ASPG: variants seen among roughly 807,000 people sequenced by gnomAD.
ASPG encodes 60 kDa lysophospholipase.
A neutral mutation model predicts 63.2 loss-of-function variants in ASPG; 53 were observed. That is an observed-to-expected ratio of 0.84 (90% CI 0.67 to 1.05). The LOEUF (loss-of-function observed/expected upper bound fraction) is 1.05, where lower values mean the gene tolerates loss of function less well. ASPG is among the 50% of genes least tolerant of loss of function. The pLI is 0.00. For synonymous variants in ASPG, 370 were observed against 355.0 expected (o/e 1.04, Z -0.48); for missense variants, 741 against 794.4 (o/e 0.93, Z 0.81).
At chr14:104,108,420 C>T in intron 12 of ASPG, 1 of 985,396 alleles carries the variant, frequency 1.0e-6, no homozygotes, top group Non-Finnish European at 1.2e-6. Flanking sequence ...AGCACGCCCC[C>T]AACCGGTCTC....
At chr14:104,096,014 C>T (rs1333013090) in intron 4 of ASPG, among the ~76,000 whole-genome samples, 3 of 152,180 alleles carry the variant, frequency 2.0e-5, no homozygotes, top group African/African-American at 4.8e-5. Context: ...ATCAGGGTGG[C>T]CGCGCACAGA....
At chr14:104,096,337 C>A (rs146055040) in intron 4 of ASPG, among the ~76,000 whole-genome samples, 1 of 152,158 alleles carries the variant, frequency 6.6e-6, no homozygotes, top group East Asian at 1.9e-4. Context: ...GAAACCGGTA[C>A]CTGTGTCCCT....
chr14:104,092,850 G>A (rs777605817), intron 2 of ASPG, 109 bp downstream of exon 2: 31 of 876,448 alleles, frequency 3.5e-5, no homozygotes, highest in Non-Finnish European at 1.4e-5. Flanking sequence ...GCTCACCCCT[G>A]TCTCTAACAT....
At position 104,111,530 on chromosome 14, in the gene ASPG, C is replaced by CT. The variant is rs779320935; in HGVS notation, c.1550dup (p.Gln518AlafsTer9). The CT allele has an allele frequency of 6.4e-7, 1 of 1,551,854 alleles. No homozygotes were observed. Among genetic ancestry groups the CT allele is most frequent in the South Asian group, 1.2e-5 (1 of 84,036 alleles). On this transcript the variant is annotated frameshift_variant, in exon 14 of 16. Coordinates refer to ENST00000551177, the MANE Select transcript of ASPG (RefSeq NM_001080464.3). LOFTEE classifies it high-confidence loss of function. Reference sequence around the variant, plus strand: ...GGCATACAGGGCCGACCTCGAAGGCCTGCAGGTGTGGTGGCAGGCAGGGGC... The same window carrying CT: ...GGCATACAGGGCCGACCTCGAAGGCCTTGCAGGTGTGGTGGCAGGCAGGGGC...
At chr14:104,105,276 G>T in intron 9 of ASPG, 52 bp from the exon 10 acceptor site, 2 of 1,612,348 alleles carry the variant, frequency 1.2e-6, no homozygotes, top group South Asian at 2.2e-5. Flanking sequence ...GGCTGTCCTG[G>T]GCTGCCCATC....
At chr14:104,101,660 G>A (rs1292197577) in intron 6 of ASPG, among the ~76,000 whole-genome samples, 1 of 152,178 alleles carries the variant, frequency 6.6e-6, no homozygotes, top group Non-Finnish European at 1.5e-5. Context: ...TGGCTGTGGG[G>A]TCAGGCCAGG....
At chr14:104,095,691 G>A in intron 4 of ASPG, 35 bp downstream of exon 4, 2 of 1,610,266 alleles carry the variant, frequency 1.2e-6, no homozygotes, top group Non-Finnish European at 1.7e-6. Context: ...TAGGAACAGG[G>A]GCTTCCTGAG....
rs371912838 is a variant in ASPG at position 104,098,850 on chromosome 14, C to A, written c.514-3C>A. 2.6e-5 allele frequency: 42 copies of A among 1,612,630 alleles called. No individual in the cohort carries two copies. In the African/African-American group the frequency reaches 5.2e-4, roughly 20 times the overall value. On this transcript the variant is annotated splice_polypyrimidine_tract_variant and splice_region_variant and intron_variant, in intron 5 of 15. Coordinates refer to ENST00000551177, the MANE Select transcript of ASPG (RefSeq NM_001080464.3). Reference sequence around the variant, plus strand: ...TCTGAACTCTGTCGCTCCGTTCCCGCAGGTCTGCCTTTTCTTCCAGAATCA... The same window carrying A: ...TCTGAACTCTGTCGCTCCGTTCCCGAAGGTCTGCCTTTTCTTCCAGAATCA...
rs776839328 is a variant in ASPG, at chr14:104,093,543, C to A, written c.244C>A (p.Leu82Ile). 6.2e-7 allele frequency: 1 copy of A among 1,612,752 alleles called. No individual in the cohort carries two copies. ...CTACACCGTGCTGGAGTGCCAGCCC[C>A]TCTTCGACTCCAGTGACATGACCAT... ...ILYTVLECQP[L>I]FDSSDMTIAE... Residue 82 changes from leucine (L) to isoleucine (I), a missense_variant, in exon 3 of 16, where the codon CTC becomes ATC. By Grantham distance (5) the Leu-to-Ile change is conservative. Coordinates refer to ENST00000551177, the MANE Select transcript of ASPG (RefSeq NM_001080464.3).
intron 2 of ASPG, 95 bp downstream of exon 2, chr14:104,092,836 A>AT (rs2036411782): frequency 9.6e-7 from 1 of 1,042,978 alleles, no homozygotes. Flanking sequence ...CACGTGAGCC[A>AT]TTTGCTCACC....
intron 6 of ASPG, 91 bp from the exon 7 acceptor site, chr14:104,103,472 G>T: frequency 9.0e-7 from 1 of 1,108,798 alleles, no homozygotes; most frequent in Non-Finnish European, 1.3e-6. Flanking sequence ...AACAAGGGAG[G>T]AGGCGGCCTG....
Position 104,110,336 on chromosome 14 carries a change from C to A in ASPG, c.1520+1021C>A, listed in dbSNP as rs558654562. The A allele has an allele frequency of 6.1e-6, 6 of 985,302 alleles. No homozygotes were observed. In the African/African-American group the frequency reaches 7.0e-5, roughly 11 times the overall value. The allele number at this position is 985,302 out of a possible 1,614,324, so 61.0% of individuals were successfully genotyped here. ...GCAGCTCTGGCTTCTCCTCTGGGAC[C>A]GGCCCACAACCCCTGGTCTTGCTTT... On this transcript the variant is annotated intron_variant, in intron 13 of 15. Transcript: ENST00000551177. This position sits in a 1 kb window ranked among gnomAD's most constrained non-coding sequence, Gnocchi z 4.7.
At chr14:104,087,781 C>T (rs1041670233) in intron 1 of ASPG, among the ~76,000 whole-genome samples, 1 of 152,216 alleles carries the variant, frequency 6.6e-6, no homozygotes, top group African/African-American at 2.4e-5. Context: ...ACCACACACC[C>T]GTCTCGCTTG....
At position 104,107,235 on chromosome 14, in the gene ASPG, C is replaced by T. The variant is rs1209811414; in HGVS notation, c.1323C>T (p.Ala441=). Reference sequence around the variant, plus strand: ...ACGGCCAAACCCCACTGCACGCGGCCGCCCGGGGAGGCCACACAGAGGCAG... The same window carrying T: ...ACGGCCAAACCCCACTGCACGCGGCTGCCCGGGGAGGCCACACAGAGGCAG... ...DFNGQTPLHA[A]ARGGHTEAVT... is the part of the protein sequence containing the mutation. The change falls in exon 12 of 16, where the codon GCC becomes GCT. Residue 441 remains alanine (A), a synonymous_variant. Transcript: ENST00000551177. The T allele has an allele frequency of 9.3e-6, 15 of 1,606,190 alleles. No individual in the cohort carries two copies. The South Asian group carries it at 1.1e-4, about 12-fold the overall frequency.
At position 104,097,976 on chromosome 14, in the gene ASPG, A is replaced by G. The variant is rs536159213; in HGVS notation, c.513+339A>G. ...GAGATGCGTATGGAGGTTCTGCGTT[A>G]GAGATGCGTATGGAGGTTCTGCGTT... On this transcript the variant is annotated intron_variant, in intron 5 of 15. Transcript: ENST00000551177. 1.1e-3 allele frequency among the ~76,000 whole-genome samples: 146 copies of G among 136,350 alleles called. 5 individuals are homozygous for G. The highest frequency in any genetic ancestry group is 1.2e-3 in the Non-Finnish European group (77 of 64,126). The allele number at this position is 136,350 out of a possible 152,430, so 89.5% of individuals were successfully genotyped here.
chr14:104,109,909 A>G lies in ASPG; in HGVS notation c.1520+594A>G, dbSNP rs991343418. On this transcript the variant is annotated intron_variant, in intron 13 of 15. Coordinates refer to ENST00000551177, the MANE Select transcript of ASPG (RefSeq NM_001080464.3). This position sits in a 1 kb window ranked among gnomAD's most constrained non-coding sequence, Gnocchi z 4.8. ...CCGAGGCAGGCTCAGGCCTTCTGAC[A>G]TCATGTTGTTGTTGGGGAGACTGAG... 33 of 974,542 alleles carry G rather than the reference A, an allele frequency of 3.4e-5. No individual in the cohort carries two copies. In the East Asian group the frequency reaches 1.5e-3, roughly 44 times the overall value. 60.4% of individuals were successfully genotyped at this position (974,542 alleles called of 1,614,324 possible).
intron 3 of ASPG, among the ~76,000 whole-genome samples, chr14:104,094,671 T>A (rs1479061976): frequency 6.6e-6 from 1 of 152,124 alleles, no homozygotes; most frequent in Non-Finnish European, 1.5e-5. Context: ...GACCCTCCAT[T>A]TGTAGCCGGC....
At chr14:104,111,811 C>CTG in intron 14 of ASPG, 109 bp from the exon 15 acceptor site, 1 of 1,154,476 alleles carries the variant, frequency 8.7e-7, no homozygotes, top group Non-Finnish European at 1.2e-6. Flanking sequence ...TGCTGGGGCC[C>CTG]TGTGTGTGTG....
At chr14:104,086,174 C>T (rs1303971279) in intron 1 of ASPG, among the ~76,000 whole-genome samples, 1 of 152,128 alleles carries the variant, frequency 6.6e-6, no homozygotes, top group Admixed American at 6.5e-5. Context: ...GCGGGAGGGC[C>T]CCAGGGCATT....
Sources: allele counts gnomAD v4.1 joint callset (sites outside exome capture counted in the v4.1 genomes callset), GRCh38; gene constraint gnomAD v4.1.1; non-coding constraint Gnocchi (gnomAD v3.1); transcripts MANE v1.5; gene names NCBI Gene and HGNC (gene_info 2026-07-23, HGNC 2026-07-21).